The following GOT2 variants were observed in gnomAD, a reference collection of about 807,000 sequenced individuals.
GOT2 encodes aspartate aminotransferase, mitochondrial.
Under a neutral mutation model 50.0 loss-of-function variants are expected in GOT2, and 17 were observed. That is an observed-to-expected ratio of 0.34 (90% CI 0.23 to 0.51). The LOEUF (loss-of-function observed/expected upper bound fraction) is 0.51. GOT2 is among the 20% of genes least tolerant of loss of function. The probability of loss-of-function intolerance (pLI) is 0.97; values close to 1 mark genes in which losing one functional copy is unlikely to be tolerated. For missense variants in GOT2, 430 were observed against 559.6 expected (o/e 0.77, Z 2.34); for synonymous variants, 172 against 204.9 (o/e 0.84, Z 1.37).
chr16:58,715,185 A>G (rs1451838728), intron 8 of GOT2, among the ~76,000 whole-genome samples: 2 of 152,112 alleles, frequency 1.3e-5, no homozygotes, highest in Non-Finnish European at 2.9e-5. Context: ...TGTCTCTACA[A>G]TAAAATACAA....
chr16:58,710,916 G>A (rs376603985), intron 8 of GOT2, among the ~76,000 whole-genome samples: 7 of 148,528 alleles, frequency 4.7e-5, no homozygotes, highest in South Asian at 2.1e-4. Context: ...TGCAGTGAGC[G>A]GAGATGGCGC....
chr16:58,718,427 C>T (rs534733060), intron 5 of GOT2, 100 bp downstream of exon 5: 2 of 1,362,074 alleles, frequency 1.5e-6, no homozygotes, highest in Admixed American at 2.0e-5. Flanking sequence ...TCAGCTCTTC[C>T]CCAGTATTTT....
At chr16:58,721,208 A>G (rs936986541) in intron 3 of GOT2, among the ~76,000 whole-genome samples, 1 of 152,226 alleles carries the variant, frequency 6.6e-6, no homozygotes, top group Admixed American at 6.5e-5. Context: ...GAAGGGCAGA[A>G]AAAATGTTGA....
intron 3 of GOT2, among the ~76,000 whole-genome samples, chr16:58,720,370 TTTTG>T (rs1250271832): frequency 6.6e-6 from 1 of 152,122 alleles, no homozygotes; most frequent in Admixed American, 6.5e-5. Context: ...TTTAAGAGGT[TTTTG>T]TTTGTTGTTT....
intron 1 of GOT2, among the ~76,000 whole-genome samples, chr16:58,724,729 C>T (rs897114628): frequency 2.6e-5 from 4 of 151,552 alleles, no homozygotes; most frequent in African/African-American, 4.9e-5. Context: ...TTGGTAGAGA[C>T]GGGGTTTCGC....
At chr16:58,726,710 C>T (rs2044787828) in intron 1 of GOT2, among the ~76,000 whole-genome samples, 1 of 149,864 alleles carries the variant, frequency 6.7e-6, no homozygotes, top group Non-Finnish European at 1.5e-5. Flanking sequence ...CAGGTCTCTA[C>T]CTCCTGACCT....
intron 8 of GOT2, among the ~76,000 whole-genome samples, chr16:58,714,112 C>T (rs1469242122): frequency 6.6e-6 from 1 of 151,726 alleles, no homozygotes; most frequent in African/African-American, 2.4e-5. Context: ...TGCTATGTTG[C>T]CCAGGCTGGT....
chr16:58,718,093 C>T lies in GOT2; in HGVS notation c.702+103G>A, dbSNP rs542170893. ...CTTATCCACCTGTGTGGACATTTCA[C>T]GCAGGTTCGAGGTTAAGACTCTCTG... On this transcript the variant is annotated intron_variant, in intron 6 of 9. Coordinates refer to ENST00000245206, the MANE Select transcript of GOT2 (RefSeq NM_002080.4). 6.2e-5 allele frequency: 52 copies of T among 832,790 alleles called. No individual in the cohort carries two copies. The East Asian group carries it at 6.6e-4, about 11-fold the overall frequency. The allele number at this position is 832,790 out of a possible 1,614,324, so 51.6% of individuals were successfully genotyped here.
At chr16:58,730,817 G>A (rs181015852) in intron 1 of GOT2, among the ~76,000 whole-genome samples, 1 of 152,146 alleles carries the variant, frequency 6.6e-6, no homozygotes, top group African/African-American at 2.4e-5. Context: ...ATGAAAATAG[G>A]AGTGTTCTAG....
chr16:58,719,062 C>A, intron 4 of GOT2, 134 bp downstream of exon 4: 2 of 689,178 alleles, frequency 2.9e-6, no homozygotes, highest in South Asian at 3.4e-5. Flanking sequence ...TTCATTTTTT[C>A]ATGAGAATAG....
At chr16:58,714,639 GC>G (rs2044676817) in intron 8 of GOT2, among the ~76,000 whole-genome samples, 1 of 151,800 alleles carries the variant, frequency 6.6e-6, no homozygotes, top group Non-Finnish European at 1.5e-5. Context: ...AATTGCTAGA[GC>G]CTAGGAGGTG....
At chr16:58,734,087 C>A in intron 1 of GOT2, 53 bp downstream of exon 1, 1 of 1,090,656 alleles carries the variant, frequency 9.2e-7, no homozygotes, top group Non-Finnish European at 1.2e-6. Context: ...GTGCTCGCAG[C>A]TCGGCGGGGC....
At chr16:58,730,821 G>A (rs186990428) in intron 1 of GOT2, among the ~76,000 whole-genome samples, 4 of 152,286 alleles carry the variant, frequency 2.6e-5, no homozygotes, top group Admixed American at 2.0e-4. Flanking sequence ...AAATAGGAGT[G>A]TTCTAGGGGC....
intron 2 of GOT2, 147 bp downstream of exon 2, chr16:58,723,599 G>A: frequency 1.4e-6 from 1 of 690,122 alleles, no homozygotes. Flanking sequence ...GGAGACTACA[G>A]CCCAGAAAAC....
Position 58,708,303 on chromosome 16 carries a change from G to C in GOT2, c.1171-10C>G. On this transcript the variant is annotated splice_polypyrimidine_tract_variant and intron_variant, in intron 9 of 9. Coordinates refer to ENST00000245206, the MANE Select transcript of GOT2 (RefSeq NM_002080.4). ...TGATCAGCCGCTCCACCTGCAGAGA[G>C]GAAAGAACTTGGGTACCTCTTCCCG... is the stretch of plus-strand genomic sequence containing the variant. 1 of 1,613,194 alleles carries C rather than the reference G, an allele frequency of 6.2e-7. No homozygotes were observed. The highest frequency in any genetic ancestry group is 8.5e-7 in the Non-Finnish European group (1 of 1,179,568).
Position 58,711,493 on chromosome 16 carries a change from A to G in GOT2, c.1020-1926T>C, listed in dbSNP as rs112581504. ...TCTTAGGTGTTCACTTTCCTAAACC[A>G]TCTCTGTATAATGATGTTATGCACG... On this transcript the variant is annotated intron_variant, in intron 8 of 9. Transcript: ENST00000245206. 3.9e-3 allele frequency among the ~76,000 whole-genome samples: 599 copies of G among 152,226 alleles called. 4 individuals are homozygous for G. Among genetic ancestry groups the G allele is most frequent in the African/African-American group, 0.014 (561 of 41,542 alleles).
intron 7 of GOT2, 67 bp from the exon 8 acceptor site, chr16:58,716,246 G>A: frequency 7.1e-7 from 1 of 1,408,462 alleles, no homozygotes; most frequent in Non-Finnish European, 9.9e-7. Flanking sequence ...AATCATGAGT[G>A]TATTTGCTAC....
intron 8 of GOT2, among the ~76,000 whole-genome samples, chr16:58,711,382 A>G (rs1256766351): frequency 6.6e-6 from 1 of 152,174 alleles, no homozygotes; most frequent in African/African-American, 2.4e-5. Context: ...CTTCCTCAGA[A>G]TCTACCCTTT....
chr16:58,710,190 G>A lies in GOT2; in HGVS notation c.1020-623C>T, dbSNP rs572655854. On this transcript the variant is annotated intron_variant, in intron 8 of 9. Coordinates refer to ENST00000245206, the MANE Select transcript of GOT2 (RefSeq NM_002080.4). ...CGGGATTACAGGTGTGAGCCACCAC[G>A]CCTGGCCCATTTTCTTTTTCTTTTT... 1.3e-3 allele frequency among the ~76,000 whole-genome samples: 193 copies of A among 151,994 alleles called. 1 individual carries two copies. Among genetic ancestry groups the A allele is most frequent in the African/African-American group, 4.4e-3 (181 of 41,426 alleles).
Sources: allele counts gnomAD v4.1 joint callset (sites outside exome capture counted in the v4.1 genomes callset), GRCh38; gene constraint gnomAD v4.1.1; transcripts MANE v1.5; gene names NCBI Gene and HGNC (gene_info 2026-07-23, HGNC 2026-07-21).